The following GRIP1 variants were observed in gnomAD, a reference collection of about 807,000 sequenced individuals.
GRIP1 encodes the protein glutamate receptor interacting protein 1.
A neutral mutation model predicts 129.9 loss-of-function variants in GRIP1; 45 were observed. The ratio of observed to expected loss-of-function variants is 0.35; its 90% CI spans 0.27 to 0.44. The LOEUF is 0.44. Ranked by LOEUF, GRIP1 falls within the 20% of genes least tolerant of loss-of-function variation. The pLI is 1.00. For missense variants in GRIP1, 1,196 were observed against 1,396.8 expected, an observed-to-expected ratio of 0.86 and a Z score of 2.29; for synonymous variants, 530 against 520.8, an observed-to-expected ratio of 1.02 and a Z score of -0.24.
chr12:66,867,034 G>C (rs141161450), intron 1 of GRIP1, among the ~76,000 whole-genome samples: 105 of 152,116 alleles, frequency 6.9e-4, no homozygotes, highest in African/African-American at 2.5e-3. Flanking sequence ...TGTTGCCCAG[G>C]CTGGAGTGCA....
At chr12:66,474,411 A>G (rs2059540055) in intron 7 of GRIP1, among the ~76,000 whole-genome samples, 1 of 152,202 alleles carries the variant, frequency 6.6e-6, no homozygotes, top group South Asian at 2.1e-4. Context: ...TCTTCAGGAT[A>G]TTATCCAGTA....
chr12:66,622,434 T>C (rs988493910), intron 1 of GRIP1, among the ~76,000 whole-genome samples: 2 of 152,064 alleles, frequency 1.3e-5, no homozygotes, highest in African/African-American at 2.4e-5. Flanking sequence ...ATTTGGATTG[T>C]TTGCAACACA....
intron 1 of GRIP1, among the ~76,000 whole-genome samples, chr12:66,940,954 T>C (rs2041574526): frequency 6.6e-6 from 1 of 152,186 alleles, no homozygotes; most frequent in Non-Finnish European, 1.5e-5. Flanking sequence ...TTTCCATTTC[T>C]GATATCAGTT....
At position 66,888,768 on chromosome 12, in the gene GRIP1, A is replaced by G. The variant is rs76684638; in HGVS notation, c.58+180282T>C. Among the ~76,000 whole-genome samples the G allele has an allele frequency of 4.7e-3, 711 of 152,330 alleles. 7 individuals carry two copies. Among genetic ancestry groups the G allele is most frequent in the African/African-American group, 0.016 (672 of 41,568 alleles). On this transcript the variant is annotated intron_variant, in intron 1 of 1. Transcript: ENST00000643019. ...GTTCCTATTTTTGCTAACAGGAGCTAAAATATTGTGAGTTTATAATATGTT... is the reference window on the plus strand; with the variant it reads ...GTTCCTATTTTTGCTAACAGGAGCTGAAATATTGTGAGTTTATAATATGTT...
chr12:66,808,801 C>G (rs2039048005), upstream of GRIP1, among the ~76,000 whole-genome samples: 1 of 151,802 alleles, frequency 6.6e-6, no homozygotes, highest in South Asian at 2.1e-4. Flanking sequence ...TAGAGTCCCT[C>G]CCCAGGGTCC....
At chr12:67,048,848 T>C (rs2043296352) in intron 1 of GRIP1, among the ~76,000 whole-genome samples, 1 of 152,184 alleles carries the variant, frequency 6.6e-6, no homozygotes, top group Non-Finnish European at 1.5e-5. Context: ...TTGCACCTCC[T>C]TGCCTTCCAC....
At chr12:66,782,086 G>A (rs1824347142) in intron 1 of GRIP1, among the ~76,000 whole-genome samples, 1 of 152,302 alleles carries the variant, frequency 6.6e-6, no homozygotes, top group Non-Finnish European at 1.5e-5. Flanking sequence ...GGAATTTTGA[G>A]GTGCTGGCTA....
chr12:66,771,256 G>A (rs988422245), intron 1 of GRIP1, among the ~76,000 whole-genome samples: 5 of 151,930 alleles, frequency 3.3e-5, no homozygotes, highest in East Asian at 1.9e-4. Context: ...TCTTAAATTC[G>A]TTTTTAATGA....
At chr12:66,449,923 A>G (rs1490062717) in intron 11 of GRIP1, among the ~76,000 whole-genome samples, 2 of 152,100 alleles carry the variant, frequency 1.3e-5, no homozygotes, top group Admixed American at 6.6e-5. Context: ...TGAGATCACA[A>G]TTTGATACAG....
intron 1 of GRIP1, among the ~76,000 whole-genome samples, chr12:66,664,032 A>T (rs150020647): frequency 6.6e-6 from 1 of 152,232 alleles, no homozygotes; most frequent in Non-Finnish European, 1.5e-5. Flanking sequence ...AATTAATTGG[A>T]TTTATTTTCT....
chr12:66,750,596 C>T (rs1181352034), intron 1 of GRIP1, among the ~76,000 whole-genome samples: 1 of 152,200 alleles, frequency 6.6e-6, no homozygotes, highest in African/African-American at 2.4e-5. Context: ...CCATTCTCCC[C>T]TACCTTGTTC....
At chr12:66,967,018 T>C (rs1437076551) in intron 1 of GRIP1, among the ~76,000 whole-genome samples, 2 of 152,226 alleles carry the variant, frequency 1.3e-5, no homozygotes, top group Non-Finnish European at 2.9e-5. Context: ...ATTTTTTGTA[T>C]AGATACACCA....
intron 19 of GRIP1, among the ~76,000 whole-genome samples, chr12:66,381,077 C>T (rs1382027751): frequency 6.6e-6 from 1 of 152,074 alleles, no homozygotes; most frequent in Non-Finnish European, 1.5e-5. Context: ...AAAGCCCAAG[C>T]AGAGCAGGAT....
At chr12:66,588,156 G>A (rs945742874) in intron 2 of GRIP1, among the ~76,000 whole-genome samples, 6 of 151,970 alleles carry the variant, frequency 3.9e-5, no homozygotes, top group African/African-American at 1.5e-4. Context: ...TAGTTATGGT[G>A]TTACCAGTTT....
At chr12:66,492,344 A>C (rs1435151467) in intron 7 of GRIP1, among the ~76,000 whole-genome samples, 1 of 152,198 alleles carries the variant, frequency 6.6e-6, no homozygotes, top group African/African-American at 2.4e-5. Context: ...ATAGGAGGTA[A>C]ACATAAAATT....
At chr12:66,524,575 A>G (rs2139027836) in intron 5 of GRIP1, among the ~76,000 whole-genome samples, 1 of 152,216 alleles carries the variant, frequency 6.6e-6, no homozygotes, top group East Asian at 1.9e-4. Flanking sequence ...AAGAGAAAGC[A>G]GGAAAGATCC....
chr12:67,068,282 T>C (rs545576743), intron 1 of GRIP1, among the ~76,000 whole-genome samples: 28 of 152,278 alleles, frequency 1.8e-4, no homozygotes, highest in Admixed American at 3.9e-4. Context: ...AGCACACTTG[T>C]CAAGCTGAAG....
At chr12:66,499,875 T>C (rs911400731) in intron 7 of GRIP1, among the ~76,000 whole-genome samples, 4 of 152,038 alleles carry the variant, frequency 2.6e-5, no homozygotes, top group Admixed American at 2.6e-4. Flanking sequence ...CCAGGCATGG[T>C]TGTGCACGCC....
chr12:66,899,347 G>A (rs1304212148), intron 1 of GRIP1, among the ~76,000 whole-genome samples: 1 of 151,434 alleles, frequency 6.6e-6, no homozygotes, highest in African/African-American at 2.4e-5. Context: ...GAAAGAAACT[G>A]TTCCTGTCCC....
Sources: allele counts gnomAD v4.1 joint callset (sites outside exome capture counted in the v4.1 genomes callset), GRCh38; gene constraint gnomAD v4.1.1; transcripts MANE v1.5; gene names NCBI Gene and HGNC (gene_info 2026-07-23, HGNC 2026-07-21).